The following MRTFB variants were observed in gnomAD, a reference collection of about 807,000 sequenced individuals.
The protein encoded by MRTFB is myocardin-related transcription factor B.
In MRTFB, 29 loss-of-function variants were observed where a neutral mutation model predicts 104.2. The observed-to-expected ratio is 0.28, with a 90% confidence interval of 0.21 to 0.38. The LOEUF is 0.38. Ranked by LOEUF, MRTFB falls within the 10% of genes least tolerant of loss-of-function variation. The probability of loss-of-function intolerance (pLI) is 1.00; values close to 1 mark genes in which losing one functional copy is unlikely to be tolerated. For synonymous variants in MRTFB, 535 were observed against 519.5 expected (o/e 1.03, Z -0.41); for missense variants, 1,270 against 1,341.6 (o/e 0.95, Z 0.83).
chr16:14,028,940 C>T, the MRTFB span, among the ~76,000 whole-genome samples: 2 of 152,156 alleles, frequency 1.3e-5, no homozygotes, highest in African/African-American at 4.8e-5. Flanking sequence ...TGGGTTTGTT[C>T]TTCCCACTGA....
intron 1 of MRTFB, among the ~76,000 whole-genome samples, chr16:14,071,992 ATTGT>A (rs1239012651): frequency 6.6e-6 from 1 of 152,050 alleles, no homozygotes; most frequent in East Asian, 1.9e-4. Flanking sequence ...GTCAAGAACC[ATTGT>A]TTGGCCCTGC....
intron 8 of MRTFB, among the ~76,000 whole-genome samples, chr16:14,226,398 C>G (rs1289247190): frequency 6.6e-6 from 1 of 152,100 alleles, no homozygotes; most frequent in Non-Finnish European, 1.5e-5. Flanking sequence ...ATCAAATGAT[C>G]TTCAACAAAG....
At chr16:14,220,256 A>AAAAG (rs1256094791) in intron 8 of MRTFB, among the ~76,000 whole-genome samples, 1 of 152,210 alleles carries the variant, frequency 6.6e-6, no homozygotes, top group Non-Finnish European at 1.5e-5. Flanking sequence ...AAATTCAGTA[A>AAAAG]AAAGAATGTC....
intron 2 of MRTFB, among the ~76,000 whole-genome samples, chr16:14,113,100 A>G (rs1002165485): frequency 2.6e-5 from 4 of 152,182 alleles, no homozygotes; most frequent in South Asian, 2.1e-4. Context: ...CTGGAGTGCA[A>G]TGGCGTGATC....
chr16:14,186,183 C>T (rs973372716), intron 3 of MRTFB, among the ~76,000 whole-genome samples: 1 of 152,248 alleles, frequency 6.6e-6, no homozygotes, highest in East Asian at 1.9e-4. Context: ...TTCCCTATTA[C>T]AAAGAGCATC....
the MRTFB span, among the ~76,000 whole-genome samples, chr16:14,005,004 A>C: frequency 6.6e-6 from 1 of 152,028 alleles, no homozygotes; most frequent in Non-Finnish European, 1.5e-5. Context: ...AAGGCATCCA[A>C]CTCTCTGTGC....
chr16:14,045,900 T>C, the MRTFB span, among the ~76,000 whole-genome samples: 1 of 152,198 alleles, frequency 6.6e-6, no homozygotes, highest in Non-Finnish European at 1.5e-5. Context: ...AAGTTCCTAA[T>C]GAGTGGTATT....
intron 3 of MRTFB, among the ~76,000 whole-genome samples, chr16:14,198,872 C>A (rs2040556343): frequency 6.6e-6 from 1 of 152,232 alleles, no homozygotes; most frequent in Non-Finnish European, 1.5e-5. Flanking sequence ...CTACTGCCTT[C>A]AAGGTACCTG....
chr16:14,099,183 G>C (rs2035558087), intron 2 of MRTFB, among the ~76,000 whole-genome samples: 1 of 152,052 alleles, frequency 6.6e-6, no homozygotes, highest in African/African-American at 2.4e-5. Flanking sequence ...ACAACATTAA[G>C]TCTGGGTCTT....
chr16:14,156,083 A>G (rs762768), intron 3 of MRTFB, among the ~76,000 whole-genome samples: 35,664 of 152,160 alleles, frequency 0.23, 7,917 homozygotes, highest in African/African-American at 0.57. Flanking sequence ...AGTTAGGGCA[A>G]TTATGGGCTC....
At chr16:14,022,990 C>G in the MRTFB span, among the ~76,000 whole-genome samples, 1 of 152,092 alleles carries the variant, frequency 6.6e-6, no homozygotes, top group Non-Finnish European at 1.5e-5. Context: ...GCCACTGTGC[C>G]CAGCCTAATG....
At chr16:14,200,587 A>G (rs1042203290) in intron 3 of MRTFB, 2 of 1,598,798 alleles carry the variant, frequency 1.3e-6, no homozygotes, top group African/African-American at 2.7e-5. Flanking sequence ...ACTTTTGGGC[A>G]GTGAAGAATA....
At chr16:14,137,948 CTT>C (rs1246446114) in intron 2 of MRTFB, among the ~76,000 whole-genome samples, 2 of 151,968 alleles carry the variant, frequency 1.3e-5, no homozygotes, top group Admixed American at 6.6e-5. Context: ...TGTCCCATCT[CTT>C]TTTAGTTACT....
intron 13 of MRTFB, 92 bp downstream of exon 13, chr16:14,249,173 A>C (rs748442366): frequency 4.7e-5 from 67 of 1,419,768 alleles, no homozygotes; most frequent in Non-Finnish European, 6.3e-5. Flanking sequence ...CGCCCTGGGA[A>C]GTTCCTGTTC....
intron 2 of MRTFB, among the ~76,000 whole-genome samples, chr16:14,139,163 A>G (rs1463688395): frequency 6.6e-6 from 1 of 152,240 alleles, no homozygotes; most frequent in Non-Finnish European, 1.5e-5. Context: ...TGTAAATCAT[A>G]TATCTGATAA....
At chr16:14,001,481 G>T in the MRTFB span, among the ~76,000 whole-genome samples, 124 of 152,340 alleles carry the variant, frequency 8.1e-4, no homozygotes, top group South Asian at 2.1e-3. Flanking sequence ...CGTACCCAAA[G>T]CAACGAAGAC....
At chr16:14,113,721 G>C (rs1395306305) in intron 2 of MRTFB, among the ~76,000 whole-genome samples, 1 of 152,056 alleles carries the variant, frequency 6.6e-6, no homozygotes, top group Admixed American at 6.5e-5. Flanking sequence ...AATTTAGGAG[G>C]GGCTGGGTGA....
At chr16:14,017,818 A>G in the MRTFB span, among the ~76,000 whole-genome samples, 1 of 144,968 alleles carries the variant, frequency 6.9e-6, no homozygotes, top group Non-Finnish European at 1.5e-5. Flanking sequence ...TCCTGGGTTC[A>G]AGTGATCCTC....
At chr16:14,221,626 C>T (rs937632361) in intron 8 of MRTFB, among the ~76,000 whole-genome samples, 1 of 152,130 alleles carries the variant, frequency 6.6e-6, no homozygotes, top group South Asian at 2.1e-4. Context: ...GCAACATACA[C>T]GTCTTGTCTT....
Sources: allele counts gnomAD v4.1 joint callset (sites outside exome capture counted in the v4.1 genomes callset), GRCh38; gene constraint gnomAD v4.1.1; transcripts MANE v1.5; gene names NCBI Gene and HGNC (gene_info 2026-07-23, HGNC 2026-07-21).